LRRC8C: variants seen among roughly 807,000 people sequenced by gnomAD.
LRRC8C encodes the protein volume-regulated anion channel subunit LRRC8C.
LRRC8C carries 20 observed loss-of-function variants against 55.3 expected under a neutral mutation model. The ratio of observed to expected loss-of-function variants is 0.36; its 90% CI spans 0.25 to 0.53. The LOEUF is 0.53. Ranked by LOEUF, LRRC8C falls within the 20% of genes least tolerant of loss-of-function variation. LRRC8C has a pLI of 0.92. For synonymous variants in LRRC8C, 376 were observed against 360.7 expected, an observed-to-expected ratio of 1.04 and a Z score of -0.48; for missense variants, 659 against 951.4, an observed-to-expected ratio of 0.69 and a Z score of 4.04.
chr1:89,627,299 T>TA, the LRRC8C span, among the ~76,000 whole-genome samples: 3 of 151,540 alleles, frequency 2.0e-5, no homozygotes, highest in East Asian at 5.8e-4. Context: ...TATTATATCA[T>TA]AATATAATAA....
rs757666015 is a variant in LRRC8C at position 89,652,781 on chromosome 1, G to A, written c.-5+19459G>A. Among the ~76,000 whole-genome samples the A allele has an allele frequency of 1.4e-4, 21 of 152,244 alleles. 1 individual carries two copies. Among genetic ancestry groups the A allele is most frequent in the South Asian group, 4.2e-4 (2 of 4,816 alleles). ...AACAAATATACAAGTGGCAAGTTAC[G>A]GGGTCGCAGTATCACAGGAGAAGGG... On this transcript the variant is annotated intron_variant, in intron 1 of 2. Transcript: ENST00000370454.
intron 1 of LRRC8C, among the ~76,000 whole-genome samples, chr1:89,670,875 C>G (rs1657394073): frequency 6.6e-6 from 1 of 152,140 alleles, no homozygotes; most frequent in Non-Finnish European, 1.5e-5. Flanking sequence ...TGTCTCTTGG[C>G]AAACCACCTG....
the LRRC8C span, among the ~76,000 whole-genome samples, chr1:89,624,394 CT>C: frequency 2.1e-4 from 32 of 152,296 alleles, no homozygotes; most frequent in African/African-American, 7.0e-4. Flanking sequence ...TCTATGTCAT[CT>C]TTTTTGTGCT....
chr1:89,638,154 C>T (rs1003706147), intron 1 of LRRC8C, among the ~76,000 whole-genome samples: 2 of 151,974 alleles, frequency 1.3e-5, no homozygotes, highest in African/African-American at 4.8e-5. Flanking sequence ...TTTAAAGAAC[C>T]TTTCTAAGGA....
intron 1 of LRRC8C, among the ~76,000 whole-genome samples, chr1:89,656,080 A>T (rs1656935423): frequency 6.6e-6 from 1 of 152,256 alleles, no homozygotes; most frequent in South Asian, 2.1e-4. Flanking sequence ...CAAAGAGCAC[A>T]GGGACATTGT....
At chr1:89,660,334 G>A (rs1304834368) in intron 1 of LRRC8C, among the ~76,000 whole-genome samples, 1 of 152,076 alleles carries the variant, frequency 6.6e-6, no homozygotes, top group Admixed American at 6.6e-5. Context: ...GGGGAGAATA[G>A]GTCTCAACCT....
chr1:89,682,058 T>A (rs931821952), intron 1 of LRRC8C, among the ~76,000 whole-genome samples: 12 of 152,054 alleles, frequency 7.9e-5, no homozygotes, highest in Non-Finnish European at 1.3e-4. Flanking sequence ...GCGCCTGCAG[T>A]CCCAGCTGCT....
intron 2 of LRRC8C, among the ~76,000 whole-genome samples, chr1:89,689,607 AC>A (rs1255371323): frequency 3.3e-5 from 5 of 152,308 alleles, no homozygotes. Context: ...AGGAAAACCC[AC>A]CAAGATTTGC....
chr1:89,705,187 A>G lies in LRRC8C; in HGVS notation c.139-7522A>G, dbSNP rs914358771. 9.5e-5 allele frequency among the ~76,000 whole-genome samples: 14 copies of G among 146,984 alleles called. 1 individual carries two copies. Among genetic ancestry groups the G allele is most frequent in the African/African-American group, 3.5e-4 (14 of 39,802 alleles). On this transcript the variant is annotated intron_variant, in intron 2 of 2. Transcript: ENST00000370454. ...CTATCACAAGAACAAAAAACCAAAC[A>G]CCGCATATTCTCACTCATAGGTGGG...
In LRRC8C at chr1:89,693,646, C is replaced by CTTT. The variant is rs35427989; in HGVS notation, c.138+7062_138+7064dup. On this transcript the variant is annotated intron_variant, in intron 2 of 2. Coordinates refer to ENST00000370454, the MANE Select transcript of LRRC8C (RefSeq NM_032270.5). ...GTTCCTTTTCTTTTATCTTTTCTTC[C>CTTT]TTTTTTTTTTTTTTTTTTTTTTTTT... 4.0e-3 allele frequency among the ~76,000 whole-genome samples: 334 copies of CTTT among 82,708 alleles called. 51 individuals are homozygous for CTTT. Among genetic ancestry groups the CTTT allele is most frequent in the African/African-American group, 0.016 (287 of 18,248 alleles). The allele number at this position is 82,708 out of a possible 152,430, so 54.3% of individuals were successfully genotyped here.
chr1:89,686,590 C>T lies in LRRC8C; in HGVS notation c.117C>T (p.Gly39=), dbSNP rs114433988. 216 of 1,614,052 alleles carry T rather than the reference C, an allele frequency of 1.3e-4. No homozygotes were observed. The highest frequency in any genetic ancestry group is 1.6e-4 in the Middle Eastern group (1 of 6,062). The part of the protein sequence containing the change: ...DYLSVAMLMI[G]VFGCTLQVMQ... Reference sequence around the variant, plus strand: ...TCTCAGTAGCCATGCTCATGATCGGCGTGTTTGGATGTACTTTACAGGTAG... The same window carrying T: ...TCTCAGTAGCCATGCTCATGATCGGTGTGTTTGGATGTACTTTACAGGTAG... The change falls in exon 2 of 3, where the codon GGC becomes GGT. Residue 39 remains glycine, a synonymous_variant. Coordinates refer to ENST00000370454, the MANE Select transcript of LRRC8C (RefSeq NM_032270.5).
chr1:89,666,604 G>T (rs1420086303), intron 1 of LRRC8C, among the ~76,000 whole-genome samples: 3 of 152,052 alleles, frequency 2.0e-5, no homozygotes, highest in Non-Finnish European at 2.9e-5. Flanking sequence ...CAGGGTGCAG[G>T]TATCATGAGA....
At chr1:89,673,493 G>A (rs1457282727) in intron 1 of LRRC8C, among the ~76,000 whole-genome samples, 2 of 152,170 alleles carry the variant, frequency 1.3e-5, no homozygotes, top group Admixed American at 1.3e-4. Context: ...TCAAAATACT[G>A]TACCGTTTGT....
At chr1:89,644,424 T>A (rs1420078856) in intron 1 of LRRC8C, among the ~76,000 whole-genome samples, 1 of 152,156 alleles carries the variant, frequency 6.6e-6, no homozygotes, top group Non-Finnish European at 1.5e-5. Context: ...GTGCTGAGAT[T>A]ACAGGCGTGA....
intron 1 of LRRC8C, among the ~76,000 whole-genome samples, chr1:89,646,212 G>T (rs954210368): frequency 2.0e-5 from 3 of 152,040 alleles, no homozygotes; most frequent in African/African-American, 7.2e-5. Context: ...CATTAAAGAG[G>T]TGAGGGGGAG....
At chr1:89,676,969 T>C (rs980957697) in intron 1 of LRRC8C, among the ~76,000 whole-genome samples, 3 of 152,204 alleles carry the variant, frequency 2.0e-5, no homozygotes, top group Non-Finnish European at 4.4e-5. Context: ...AAGCAGCTAC[T>C]GATCATAGAT....
chr1:89,703,561 AAAG>A (rs1658390295), intron 2 of LRRC8C, among the ~76,000 whole-genome samples: 1 of 151,384 alleles, frequency 6.6e-6, no homozygotes, highest in African/African-American at 2.4e-5. Context: ...AAAAAAAAAA[AAAG>A]TTTCAAAAGA....
chr1:89,693,589 A>G (rs954998444), intron 2 of LRRC8C, among the ~76,000 whole-genome samples: 1 of 150,906 alleles, frequency 6.6e-6, no homozygotes, highest in African/African-American at 2.4e-5. Context: ...GATAGAAGTG[A>G]AGGCTTAAAA....
chr1:89,667,533 G>A (rs534822630), intron 1 of LRRC8C, among the ~76,000 whole-genome samples: 2 of 152,212 alleles, frequency 1.3e-5, no homozygotes, highest in South Asian at 4.1e-4. Context: ...AACTAAAAAA[G>A]GAGTAAACCT....
Sources: allele counts gnomAD v4.1 joint callset (sites outside exome capture counted in the v4.1 genomes callset), GRCh38; gene constraint gnomAD v4.1.1; transcripts MANE v1.5; gene names NCBI Gene and HGNC (gene_info 2026-07-23, HGNC 2026-07-21).